The following SYT1 variants were observed in gnomAD, a reference collection of about 807,000 sequenced individuals.
SYT1 encodes the protein synaptotagmin 1.
Under a neutral mutation model 44.8 loss-of-function variants are expected in SYT1, and 8 were observed. The ratio of observed to expected loss-of-function variants is 0.18; its 90% confidence interval spans 0.10 to 0.32. The LOEUF (loss-of-function observed/expected upper bound fraction) is 0.32, where lower values mean the gene tolerates loss of function less well. SYT1 is among the 10% of genes least tolerant of loss of function. The pLI is 1.00. For missense variants in SYT1, 286 were observed against 509.3 expected (o/e 0.56, Z 4.22); for synonymous variants, 154 against 188.8 (o/e 0.82, Z 1.51).
chr12:79,151,667 A>G (rs1344522518), intron 3 of SYT1, among the ~76,000 whole-genome samples: 1 of 152,156 alleles, frequency 6.6e-6, no homozygotes, highest in Non-Finnish European at 1.5e-5. Context: ...GATTATGAGT[A>G]TAGAAAGGAG....
At chr12:79,299,281 T>C in intron 7 of SYT1, 103 bp from the exon 8 acceptor site, 1 of 1,297,756 alleles carries the variant, frequency 7.7e-7, no homozygotes, top group Non-Finnish European at 1.1e-6. Flanking sequence ...TATCTCCCTG[T>C]TCTGTTTATG....
chr12:78,886,336 G>A (rs1874748152), intron 1 of SYT1, among the ~76,000 whole-genome samples: 1 of 151,918 alleles, frequency 6.6e-6, no homozygotes, highest in African/African-American at 2.4e-5. Context: ...TGCTTTTCAA[G>A]TAAGTTATTT....
chr12:79,305,550 C>G (rs1222725234), intron 8 of SYT1, among the ~76,000 whole-genome samples: 1 of 151,870 alleles, frequency 6.6e-6, no homozygotes, highest in Non-Finnish European at 1.5e-5. Flanking sequence ...AAAAAAAAAT[C>G]TCATAACATT....
At chr12:79,004,667 G>A (rs1026183659) in intron 2 of SYT1, among the ~76,000 whole-genome samples, 1 of 151,906 alleles carries the variant, frequency 6.6e-6, no homozygotes, top group African/African-American at 2.4e-5. Flanking sequence ...TGATACAGAT[G>A]TGAGAAGACT....
chr12:79,399,427 GT>G (rs1200819831), intron 9 of SYT1, among the ~76,000 whole-genome samples: 3 of 151,360 alleles, frequency 2.0e-5, no homozygotes, highest in Non-Finnish European at 2.9e-5. Flanking sequence ...TAATTTTCCT[GT>G]AAGTCAAAGT....
chr12:79,017,893 G>A (rs1445202484), intron 2 of SYT1, among the ~76,000 whole-genome samples: 1 of 152,064 alleles, frequency 6.6e-6, no homozygotes, highest in Admixed American at 6.6e-5. Flanking sequence ...CAGGCCAAAG[G>A]TGAAGAGGTC....
chr12:79,234,109 C>T (rs531417401), intron 4 of SYT1, among the ~76,000 whole-genome samples: 1 of 152,296 alleles, frequency 6.6e-6, no homozygotes, highest in South Asian at 2.1e-4. Flanking sequence ...TTCTCTCTCT[C>T]TGTCTCCTCC....
intron 9 of SYT1, among the ~76,000 whole-genome samples, chr12:79,385,238 C>T (rs1235838910): frequency 6.6e-6 from 1 of 151,868 alleles, no homozygotes; most frequent in Non-Finnish European, 1.5e-5. Flanking sequence ...CTGCCAGCCT[C>T]GGCCTCCCAA....
At position 79,179,249 on chromosome 12, in the gene SYT1, G is replaced by GAT. The variant is rs1471612050; in HGVS notation, c.-17-38250_-17-38249dup. Among the ~76,000 whole-genome samples, 114 of 71,864 alleles carry GAT rather than the reference G, an allele frequency of 1.6e-3. 25 individuals carry two copies. Among genetic ancestry groups the GAT allele is most frequent in the African/African-American group, 7.8e-3 (110 of 14,056 alleles). The allele number at this position is 71,864 out of a possible 152,430, so 47.1% of individuals were successfully genotyped here. The stretch of plus-strand genomic sequence containing the variant: ...ATATAGATATAGATATATAGATATA[G>GAT]ATATAGATATAGATATATAGATATA... On this transcript the variant is annotated intron_variant, in intron 3 of 10. Transcript: ENST00000261205.
rs539551364 is a variant in SYT1, at chr12:78,985,944, A to G, written c.-84+8013A>G. On this transcript the variant is annotated intron_variant, in intron 2 of 10. Transcript: ENST00000261205. ...TTTCTTTCGAAAAGCACTTTGAAGG[A>G]GGGAAAAATAAAAACAGAAGGAAAG... Among the ~76,000 whole-genome samples the G allele has an allele frequency of 2.6e-5, 4 of 152,168 alleles. No homozygotes were observed. In the East Asian group the frequency reaches 7.7e-4, roughly 29 times the overall value.
chr12:79,115,894 T>G (rs979061301), intron 3 of SYT1, among the ~76,000 whole-genome samples: 4 of 152,180 alleles, frequency 2.6e-5, no homozygotes, highest in African/African-American at 9.6e-5. Flanking sequence ...GACATTAGCC[T>G]GTCAATCAAA....
intron 2 of SYT1, among the ~76,000 whole-genome samples, chr12:78,995,333 A>T (rs530801498): frequency 1.3e-5 from 2 of 152,282 alleles, no homozygotes; most frequent in South Asian, 4.1e-4. Flanking sequence ...GCTACCATTT[A>T]TTAAGTTTTT....
In SYT1 at chr12:79,134,051, A is replaced by G. The variant is rs1461906392; in HGVS notation, c.-17-83452A>G. 2.0e-5 allele frequency among the ~76,000 whole-genome samples: 3 copies of G among 152,172 alleles called. No homozygotes were observed. The East Asian group carries it at 5.8e-4, about 29-fold the overall frequency. ...CCACTCTTTCCAATAAAAAGTCCAT[A>G]TTCTGATTTCCCTGTGACTCAGTAA... On this transcript the variant is annotated intron_variant, in intron 3 of 10. Coordinates refer to ENST00000261205, the MANE Select transcript of SYT1 (RefSeq NM_005639.3).
At chr12:79,280,295 T>C (rs905566684) in intron 4 of SYT1, among the ~76,000 whole-genome samples, 4 of 151,544 alleles carry the variant, frequency 2.6e-5, no homozygotes, top group African/African-American at 7.3e-5. Context: ...AAAAGTAATA[T>C]AAAAGTAGAC....
At chr12:79,438,975 G>A (rs982207930) in intron 9 of SYT1, among the ~76,000 whole-genome samples, 2 of 152,180 alleles carry the variant, frequency 1.3e-5, no homozygotes, top group Middle Eastern at 3.4e-3. Context: ...AAGGAGTCAC[G>A]AGAAAAAGTA....
intron 2 of SYT1, among the ~76,000 whole-genome samples, chr12:79,001,025 C>T (rs770866373): frequency 1.3e-5 from 2 of 152,040 alleles, no homozygotes; most frequent in Admixed American, 6.6e-5. Context: ...TGAAAGTTTA[C>T]GTTTCTAATG....
chr12:79,374,820 T>G (rs963574372), intron 9 of SYT1, among the ~76,000 whole-genome samples: 2 of 152,230 alleles, frequency 1.3e-5, no homozygotes, highest in African/African-American at 4.8e-5. Context: ...TTGTGATACC[T>G]GCCTACAAAG....
chr12:79,087,620 A>T (rs1464281755), intron 3 of SYT1, among the ~76,000 whole-genome samples: 1 of 152,072 alleles, frequency 6.6e-6, no homozygotes, highest in East Asian at 1.9e-4. Flanking sequence ...CATCAAGCCC[A>T]GTGGTGAGTA....
intron 2 of SYT1, among the ~76,000 whole-genome samples, chr12:79,002,238 G>A (rs564973824): frequency 1.1e-3 from 162 of 152,134 alleles, no homozygotes; most frequent in Non-Finnish European, 2.0e-3. Context: ...GTAAGCTTAA[G>A]CAAGAACAAA....
Sources: gnomAD v4.1 joint callset for allele counts (sites outside exome capture counted in the v4.1 genomes callset) on GRCh38, gnomAD v4.1.1 for gene constraint, MANE v1.5 for transcripts, NCBI Gene and HGNC (gene_info 2026-07-23, HGNC 2026-07-21) for gene names.